The following CCDC91 variants were observed in gnomAD, a reference collection of about 807,000 sequenced individuals.
The protein encoded by CCDC91 is coiled-coil domain-containing protein 91.
Under a neutral mutation model 63.2 loss-of-function variants are expected in CCDC91, and 48 were observed. That is an observed-to-expected ratio of 0.76 (90% CI 0.60 to 0.97). The LOEUF (loss-of-function observed/expected upper bound fraction) is 0.97, where lower values mean the gene tolerates loss of function less well. Ranked by LOEUF, CCDC91 falls within the 50% of genes least tolerant of loss-of-function variation. The pLI is 0.00. For missense variants in CCDC91, 500 were observed against 494.6 expected (o/e 1.01, Z -0.10); for synonymous variants, 167 against 165.8 (o/e 1.01, Z -0.06).
chr12:28,302,102 G>A (rs1938136585), intron 3 of CCDC91, among the ~76,000 whole-genome samples: 1 of 151,084 alleles, frequency 6.6e-6, no homozygotes, highest in Non-Finnish European at 1.5e-5. Context: ...GTTTGAGCTC[G>A]GAATTTAATT....
chr12:28,510,296 T>A (rs1939235554), intron 12 of CCDC91, among the ~76,000 whole-genome samples: 1 of 145,920 alleles, frequency 6.9e-6, no homozygotes, highest in African/African-American at 2.5e-5. Flanking sequence ...CTGTCATGAT[T>A]CTGGAGGCTG....
intron 1 of CCDC91, among the ~76,000 whole-genome samples, chr12:28,233,302 G>A (rs1046687518): frequency 6.6e-6 from 1 of 151,964 alleles, no homozygotes; most frequent in Non-Finnish European, 1.5e-5. Context: ...ACATATATTA[G>A]TTTTGCCTAT....
chr12:28,437,046 T>G (rs1016365975), intron 8 of CCDC91, among the ~76,000 whole-genome samples: 3 of 151,796 alleles, frequency 2.0e-5, no homozygotes, highest in African/African-American at 7.3e-5. Context: ...CTAATACTTG[T>G]AATGCCATTT....
At chr12:28,273,616 C>T (rs1220953999) in intron 3 of CCDC91, among the ~76,000 whole-genome samples, 2 of 151,352 alleles carry the variant, frequency 1.3e-5, no homozygotes, top group Non-Finnish European at 2.9e-5. Flanking sequence ...TTTCATGTGT[C>T]TTTTGGCTGC....
chr12:28,437,065 G>A (rs1426646965), intron 8 of CCDC91, among the ~76,000 whole-genome samples: 1 of 151,324 alleles, frequency 6.6e-6, no homozygotes, highest in Non-Finnish European at 1.5e-5. Flanking sequence ...TTTCTACAAA[G>A]TTGTTCTATA....
Position 28,331,565 on chromosome 12 carries a change from TCA to T in CCDC91, c.576+23817_576+23818del, listed in dbSNP as rs1361133094. 2.0e-5 allele frequency among the ~76,000 whole-genome samples: 3 copies of T among 152,316 alleles called. No individual in the cohort carries two copies. The East Asian group carries it at 5.8e-4, about 29-fold the overall frequency. On this transcript the variant is annotated intron_variant, in intron 6 of 12. Transcript: ENST00000536442. ...AGCCTAAGATATTATGGGACAATAG[TCA>T]TAACAAATTAGACTATGTTTCAAAA...
intron 8 of CCDC91, among the ~76,000 whole-genome samples, chr12:28,402,126 G>C (rs941888532): frequency 2.0e-5 from 3 of 152,034 alleles, no homozygotes; most frequent in African/African-American, 7.2e-5. Flanking sequence ...TGTTGTGGGG[G>C]ATTCCCCTGT....
At chr12:28,263,109 T>G (rs1299104418) in intron 3 of CCDC91, among the ~76,000 whole-genome samples, 1 of 152,020 alleles carries the variant, frequency 6.6e-6, no homozygotes, top group Non-Finnish European at 1.5e-5. Context: ...TATTTTTCTT[T>G]CAAGAAAAAG....
intron 3 of CCDC91, among the ~76,000 whole-genome samples, chr12:28,286,646 T>TGAA: frequency 6.6e-6 from 1 of 152,350 alleles, no homozygotes; most frequent in Admixed American, 6.5e-5. Context: ...ATGTCTTTGC[T>TGAA]ATTGTGAAAT....
chr12:28,218,539 A>G (rs1285294025), intron 1 of CCDC91, among the ~76,000 whole-genome samples: 2 of 152,060 alleles, frequency 1.3e-5, no homozygotes, highest in African/African-American at 2.4e-5. Flanking sequence ...AACCACTACC[A>G]TATTATATGG....
At chr12:28,352,000 C>T (rs1165244370) in intron 6 of CCDC91, among the ~76,000 whole-genome samples, 1 of 152,144 alleles carries the variant, frequency 6.6e-6, no homozygotes, top group Non-Finnish European at 1.5e-5. Flanking sequence ...TGGTTCCAGA[C>T]TGCTGCAGTA....
intron 3 of CCDC91, among the ~76,000 whole-genome samples, chr12:28,270,975 G>A (rs755804424): frequency 7.2e-5 from 11 of 152,088 alleles, no homozygotes; most frequent in Non-Finnish European, 1.5e-4. Context: ...AAGGTACACC[G>A]AAATTAAATA....
intron 6 of CCDC91, among the ~76,000 whole-genome samples, chr12:28,318,955 C>T (rs1202464085): frequency 1.3e-5 from 2 of 151,836 alleles, no homozygotes; most frequent in Non-Finnish European, 2.9e-5. Context: ...TAAGGAATGC[C>T]ATCAATTTAC....
At chr12:28,467,800 C>A (rs1950617358) in intron 11 of CCDC91, among the ~76,000 whole-genome samples, 1 of 151,938 alleles carries the variant, frequency 6.6e-6, no homozygotes, top group South Asian at 2.1e-4. Context: ...AAATCAATAA[C>A]AAGAGGAATT....
chr12:28,354,204 A>G (rs1592401488), intron 6 of CCDC91, among the ~76,000 whole-genome samples: 2 of 152,106 alleles, frequency 1.3e-5, no homozygotes, highest in African/African-American at 4.8e-5. Flanking sequence ...ACTGCCTCCA[A>G]ATGATCTAGG....
chr12:28,427,941 T>TA (rs1383223431), intron 8 of CCDC91, among the ~76,000 whole-genome samples: 2 of 152,192 alleles, frequency 1.3e-5, no homozygotes, highest in East Asian at 3.9e-4. Flanking sequence ...AGGCCTTTCT[T>TA]ACAAATAAGA....
At position 28,387,610 on chromosome 12, in the gene CCDC91, G is replaced by C. The variant is rs60653935; in HGVS notation, c.655-3694G>C. 5.9e-3 allele frequency among the ~76,000 whole-genome samples: 902 copies of C among 151,970 alleles called. 9 individuals are homozygous for C. The highest frequency in any genetic ancestry group is 0.021 in the African/African-American group (855 of 41,436). The stretch of plus-strand genomic sequence containing the variant: ...TATGCCTTTGCAGCCTCATAGCTTA[G>C]CTCCCACTTATAGATGAGAACATGT... On this transcript the variant is annotated intron_variant, in intron 7 of 12. Transcript: ENST00000536442.
At chr12:28,225,333 CTCT>C (rs1944200224) in intron 1 of CCDC91, among the ~76,000 whole-genome samples, 1 of 152,004 alleles carries the variant, frequency 6.6e-6, no homozygotes, top group African/African-American at 2.4e-5. Flanking sequence ...TTGTTTGAAT[CTCT>C]TCTTCATCAT....
chr12:28,314,184 TA>T (rs5797267), intron 6 of CCDC91, among the ~76,000 whole-genome samples: 151,209 of 151,308 alleles, frequency 1, 75,555 homozygotes, highest in Non-Finnish European at 1. Flanking sequence ...AAAATTTAAT[TA>T]AAAAAAAAAC....
Sources: allele counts gnomAD v4.1 joint callset (sites outside exome capture counted in the v4.1 genomes callset), GRCh38; gene constraint gnomAD v4.1.1; transcripts MANE v1.5; gene names NCBI Gene and HGNC (gene_info 2026-07-23, HGNC 2026-07-21).